ALOX5AP: variants seen among roughly 807,000 people sequenced by gnomAD.
The protein encoded by ALOX5AP is arachidonate 5-lipoxygenase activating protein.
Under a neutral mutation model 18.5 loss-of-function variants are expected in ALOX5AP, and 9 were observed. That is an observed-to-expected ratio of 0.49 (90% confidence interval 0.29 to 0.85). ALOX5AP has a LOEUF of 0.85. Among genes scored for constraint, ALOX5AP ranks in the 40% least tolerant of loss-of-function variants. The probability of loss-of-function intolerance (pLI) is 0.08; values close to 1 mark genes in which losing one functional copy is unlikely to be tolerated. For synonymous variants in ALOX5AP, 81 were observed against 78.6 expected, an observed-to-expected ratio of 1.03 and a Z score of -0.16; for missense variants, 172 against 202.5, an observed-to-expected ratio of 0.85 and a Z score of 0.91.
At chr13:30,747,240 G>A (rs1455850037) in intron 2 of ALOX5AP, among the ~76,000 whole-genome samples, 1 of 152,160 alleles carries the variant, frequency 6.6e-6, no homozygotes, top group Admixed American at 6.5e-5. Flanking sequence ...GCAGTGGCAC[G>A]ATCTTGGCTC....
intron 4 of ALOX5AP, among the ~76,000 whole-genome samples, chr13:30,759,143 A>G (rs17074992): frequency 0.078 from 11,910 of 152,100 alleles, 724 homozygotes; most frequent in African/African-American, 0.16. Context: ...TTTCTTCCCC[A>G]TTCATTTAAG....
intron 4 of ALOX5AP, among the ~76,000 whole-genome samples, chr13:30,757,258 G>T (rs17239235): frequency 0.077 from 11,690 of 152,122 alleles, 690 homozygotes; most frequent in African/African-American, 0.16. Flanking sequence ...AGGTCAGCGG[G>T]TGAAAGCGCT....
chr13:30,758,596 G>C (rs977726421), intron 4 of ALOX5AP, among the ~76,000 whole-genome samples: 1 of 152,142 alleles, frequency 6.6e-6, no homozygotes, highest in Non-Finnish European at 1.5e-5. Context: ...GCTGCCCTGC[G>C]AGGATTTTGC....
intron 2 of ALOX5AP, among the ~76,000 whole-genome samples, chr13:30,746,924 G>T (rs980250493): frequency 6.6e-6 from 1 of 152,190 alleles, no homozygotes; most frequent in African/African-American, 2.4e-5. Context: ...AAGGATAAAT[G>T]ATACTGGTGG....
In ALOX5AP at chr13:30,756,010, G is replaced by A; in HGVS notation, c.308G>A (p.Gly103Glu). ...CAAAAGTACTTTGTCGGTTACCTAG[G>A]AGAGAGAACGCAGAGGTAGGTAACT... Reference protein sequence around the residue: ...VRQKYFVGYLGERTQSTPGYI... With the variant: ...VRQKYFVGYLEERTQSTPGYI... Residue 103 changes from glycine (G) to glutamate (E), a missense_variant, in exon 4 of 5, where the codon GGA (glycine) becomes GAA (glutamate). Transcript: ENST00000380490. The A allele has an allele frequency of 6.2e-7, 1 of 1,614,098 alleles. No homozygotes were observed. Among genetic ancestry groups the A allele is most frequent in the Non-Finnish European group, 8.5e-7 (1 of 1,179,948 alleles).
Position 30,761,017 on chromosome 13 carries a change from C to G in ALOX5AP, c.324-2927C>G, listed in dbSNP as rs115398061. Among the ~76,000 whole-genome samples, 172 of 152,350 alleles carry G rather than the reference C, an allele frequency of 1.1e-3. 2 individuals are homozygous for G. The highest frequency in any genetic ancestry group is 3.9e-3 in the African/African-American group (164 of 41,582). On this transcript the variant is annotated intron_variant, in intron 4 of 4. Transcript: ENST00000380490. Reference sequence around the variant, plus strand: ...TCTTCCTTCCCTGCTCACAGCATTTCAGGTTCTCCGCAGCTTTGCTGAGCC... The same window carrying G: ...TCTTCCTTCCCTGCTCACAGCATTTGAGGTTCTCCGCAGCTTTGCTGAGCC...
intron 4 of ALOX5AP, among the ~76,000 whole-genome samples, chr13:30,762,046 G>C (rs1035105088): frequency 6.6e-6 from 1 of 152,212 alleles, no homozygotes; most frequent in African/African-American, 2.4e-5. Context: ...GGAAAACAGG[G>C]AGAGAATGAA....
chr13:30,732,781 G>C (rs935085549), upstream of ALOX5AP, among the ~76,000 whole-genome samples: 8 of 152,120 alleles, frequency 5.3e-5, no homozygotes, highest in Non-Finnish European at 7.3e-5. Flanking sequence ...AGCTGAGAGA[G>C]AGCGAGAGGA....
At chr13:30,729,768 G>C (rs548593284) in intron 1 of ALOX5AP, among the ~76,000 whole-genome samples, 2 of 152,118 alleles carry the variant, frequency 1.3e-5, no homozygotes, top group East Asian at 1.9e-4. Context: ...GTAGAGATAG[G>C]GTTTTGCCAT....
At chr13:30,753,053 T>A (rs181305610) in intron 3 of ALOX5AP, among the ~76,000 whole-genome samples, 1 of 152,290 alleles carries the variant, frequency 6.6e-6, no homozygotes, top group Admixed American at 6.5e-5. Flanking sequence ...TGCCTAGATA[T>A]ACAGTGATAA....
At chr13:30,727,915 T>C (rs530433672) in intron 1 of ALOX5AP, among the ~76,000 whole-genome samples, 1 of 152,250 alleles carries the variant, frequency 6.6e-6, no homozygotes, top group South Asian at 2.1e-4. Flanking sequence ...CTTTAGATTT[T>C]AGGATTCAGC....
intron 3 of ALOX5AP, among the ~76,000 whole-genome samples, chr13:30,755,038 C>T (rs1951881858): frequency 6.6e-6 from 1 of 152,228 alleles, no homozygotes; most frequent in Non-Finnish European, 1.5e-5. Context: ...AGCTCCAAGC[C>T]TTCAGGACTT....
At chr13:30,746,074 C>T (rs1333973410) in intron 2 of ALOX5AP, among the ~76,000 whole-genome samples, 5 of 152,232 alleles carry the variant, frequency 3.3e-5, no homozygotes, top group Admixed American at 3.3e-4. Flanking sequence ...GAGTGAACAG[C>T]TCTGTTTGTA....
At chr13:30,721,665 C>T (rs1041736534) in intron 1 of ALOX5AP, among the ~76,000 whole-genome samples, 3 of 152,190 alleles carry the variant, frequency 2.0e-5, no homozygotes, top group Admixed American at 1.3e-4. Context: ...GAGTGCTCTA[C>T]AATGCAAATC....
At chr13:30,731,046 G>A (rs943295580), upstream of ALOX5AP, among the ~76,000 whole-genome samples, 2 of 152,342 alleles carry the variant, frequency 1.3e-5, no homozygotes, top group East Asian at 1.9e-4. Flanking sequence ...GGGTGGGCTC[G>A]CAGCCCTGTC....
chr13:30,752,185 G>A (rs897270030), intron 3 of ALOX5AP, 63 bp downstream of exon 3: 1 of 1,552,312 alleles, frequency 6.4e-7, no homozygotes, highest in African/African-American at 1.4e-5. Flanking sequence ...AGGTTCAAAG[G>A]GCAGGCTTTT....
intron 1 of ALOX5AP, among the ~76,000 whole-genome samples, chr13:30,717,252 T>A (rs542701817): frequency 6.6e-6 from 1 of 152,360 alleles, no homozygotes; most frequent in South Asian, 2.1e-4. Context: ...AATTCTTTAT[T>A]ACTGTTTTTG....
rs1951967649 is a variant in ALOX5AP, at chr13:30,763,950, T to C, written c.330T>C (p.Pro110=). The change falls in exon 5 of 5, where the codon CCT becomes CCC. Residue 110 remains proline (P), a synonymous_variant. Coordinates refer to ENST00000380490, the MANE Select transcript of ALOX5AP (RefSeq NM_001629.4). ...GYLGERTQST[P]GYIFGKRIIL... ...CTTTTTCCTTCTCTTCCAGCACCCC[T>C]GGCTACATATTTGGGAAACGCATCA... 1.9e-6 allele frequency: 3 copies of C among 1,613,706 alleles called. No individual in the cohort carries two copies. Among genetic ancestry groups the C allele is most frequent in the Middle Eastern group, 1.6e-4 (1 of 6,080 alleles).
upstream of ALOX5AP, among the ~76,000 whole-genome samples, chr13:30,734,031 G>A (rs1490134956): frequency 6.6e-6 from 1 of 152,128 alleles, no homozygotes; most frequent in African/African-American, 2.4e-5. Flanking sequence ...GCTTGCAGAT[G>A]GCAAACCATG....
Sources: allele counts gnomAD v4.1 joint callset (sites outside exome capture counted in the v4.1 genomes callset), GRCh38; gene constraint gnomAD v4.1.1; transcripts MANE v1.5; gene names NCBI Gene and HGNC (gene_info 2026-07-23, HGNC 2026-07-21).